Variants in SOX5 observed in about 807,000 individuals in gnomAD.
SOX5 encodes transcription factor SOX-5.
Under a neutral mutation model 92.0 loss-of-function variants are expected in SOX5, and 9 were observed. That is an observed-to-expected ratio of 0.10 (90% CI 0.06 to 0.17). SOX5 has a LOEUF of 0.17. Among genes scored for constraint, SOX5 ranks in the 10% least tolerant of loss-of-function variants. SOX5 has a pLI of 1.00. For missense variants in SOX5, 642 were observed against 944.5 expected, an observed-to-expected ratio of 0.68 and a Z score of 4.20; for synonymous variants, 344 against 336.3, an observed-to-expected ratio of 1.02 and a Z score of -0.25.
rs114735853 is a variant in SOX5, at chr12:24,169,615, A to G, written c.-2+43728T>C. On this transcript the variant is annotated intron_variant, in intron 4 of 4. Coordinates refer to the SOX5 transcript ENST00000446891. ...TTCATTCATCCAACATGTATTTTAC[A>G]TGTGTTGTCCAGCACTAGGCTAAAG... Among the ~76,000 whole-genome samples, 1,040 of 152,330 alleles carry G rather than the reference A, an allele frequency of 6.8e-3. 17 individuals carry two copies. The highest frequency in any genetic ancestry group is 0.024 in the African/African-American group (994 of 41,576).
intron 9 of SOX5, among the ~76,000 whole-genome samples, chr12:23,591,023 T>G (rs1951460415): frequency 6.6e-6 from 1 of 152,010 alleles, no homozygotes; most frequent in African/African-American, 2.4e-5. Context: ...TCAAACATAT[T>G]TTGAAAAAAT....
At position 24,477,130 on chromosome 12, in the gene SOX5, CTT is replaced by C. The variant is rs11324014; in HGVS notation, c.-251+85197_-251+85198del. Among the ~76,000 whole-genome samples the C allele has an allele frequency of 6.8e-4, 97 of 142,112 alleles. No homozygotes were observed. In the South Asian group the frequency reaches 7.2e-3, roughly 11 times the overall value. 93.2% of individuals were successfully genotyped at this position (142,112 alleles called of 152,430 possible). ...TATAAATTCTAAGACTGAGATTTAA[CTT>C]TTTTTTTTTTTTTCCTGTTTAGATG... On this transcript the variant is annotated intron_variant, in intron 1 of 4. Coordinates refer to the SOX5 transcript ENST00000446891.
chr12:24,005,090 T>C (rs925406109), intron 4 of SOX5, among the ~76,000 whole-genome samples: 2 of 152,002 alleles, frequency 1.3e-5, no homozygotes, highest in African/African-American at 4.8e-5. Context: ...CAGAGATTAA[T>C]TGCAAATGGG....
intron 2 of SOX5, among the ~76,000 whole-genome samples, chr12:24,320,003 T>G (rs1251008487): frequency 3.3e-5 from 5 of 152,238 alleles, no homozygotes; most frequent in Non-Finnish European, 7.3e-5. Context: ...TGACTGTGGA[T>G]GTTTGTTTAT....
intron 4 of SOX5, among the ~76,000 whole-genome samples, chr12:24,113,592 A>G (rs894124854): frequency 6.6e-6 from 1 of 152,200 alleles, no homozygotes; most frequent in African/African-American, 2.4e-5. Context: ...TTTCAGAGAC[A>G]CCATACTACA....
At chr12:23,882,831 C>T (rs2097011813) in intron 2 of SOX5, among the ~76,000 whole-genome samples, 1 of 152,100 alleles carries the variant, frequency 6.6e-6, no homozygotes, top group South Asian at 2.1e-4. Context: ...TTCATGAATT[C>T]ATCCATTAAA....
intron 4 of SOX5, among the ~76,000 whole-genome samples, chr12:24,171,138 A>ATTTTTT (rs71059984): frequency 5.9e-5 from 5 of 85,140 alleles, no homozygotes; most frequent in Admixed American, 1.3e-4. Context: ...CCCAAGATCT[A>ATTTTTT]TTTTTTTTTT....
chr12:24,308,043 C>T (rs1452510583), intron 2 of SOX5, among the ~76,000 whole-genome samples: 10 of 151,842 alleles, frequency 6.6e-5, no homozygotes, highest in Non-Finnish European at 2.9e-5. Context: ...AAAACAGAAG[C>T]TGGTGATAAG....
At position 23,530,688 on chromosome 12, in the gene SOX5, C is replaced by A. The variant is rs1035246781; in HGVS notation, c.*3531G>T. On this transcript the variant is annotated 3_prime_UTR_variant, in exon 15 of 15. Coordinates refer to ENST00000451604, the MANE Select transcript of SOX5 (RefSeq NM_006940.6). ...TATAAATGAGTAACTTTATTTTCTC[C>A]GGTAATGTTCTCTTAGATTCATATG... The A allele has an allele frequency of 1.3e-5, 2 of 151,902 alleles. No individual in the cohort carries two copies. The highest frequency in any genetic ancestry group is 2.9e-5 in the Non-Finnish European group (2 of 67,996). 9.4% of individuals were successfully genotyped at this position (151,902 alleles called of 1,614,324 possible). A position where few individuals can be genotyped will look rare whatever the true frequency, so the allele number is the denominator to read the frequency against.
At chr12:24,060,276 G>A (rs1939411801) in intron 4 of SOX5, among the ~76,000 whole-genome samples, 1 of 152,156 alleles carries the variant, frequency 6.6e-6, no homozygotes, top group Admixed American at 6.5e-5. Flanking sequence ...TAACAAAACT[G>A]AGGCTTGAAA....
intron 4 of SOX5, among the ~76,000 whole-genome samples, chr12:23,963,043 G>A (rs973363651): frequency 2.6e-5 from 4 of 152,092 alleles, no homozygotes; most frequent in Admixed American, 1.3e-4. Context: ...GGCATGGCAG[G>A]GGAAAAATAA....
chr12:24,107,403 T>C (rs1946812572), intron 4 of SOX5, among the ~76,000 whole-genome samples: 1 of 152,210 alleles, frequency 6.6e-6, no homozygotes, highest in African/African-American at 2.4e-5. Context: ...ATACACTAAA[T>C]GGGAAAGGGA....
chr12:23,670,640 G>T (rs2084621655), intron 6 of SOX5, among the ~76,000 whole-genome samples: 1 of 152,072 alleles, frequency 6.6e-6, no homozygotes, highest in African/African-American at 2.4e-5. Context: ...TGCTTTATGG[G>T]TAGGGAAAGG....
chr12:23,864,381 A>C (rs1401997141), intron 2 of SOX5, among the ~76,000 whole-genome samples: 2 of 152,170 alleles, frequency 1.3e-5, no homozygotes, highest in Non-Finnish European at 2.9e-5. Flanking sequence ...CACGTCTTTC[A>C]CTTTAACTCA....
At chr12:23,809,420 T>C (rs1392380514) in intron 3 of SOX5, among the ~76,000 whole-genome samples, 1 of 152,064 alleles carries the variant, frequency 6.6e-6, no homozygotes, top group Non-Finnish European at 1.5e-5. Flanking sequence ...TATAGAGCAT[T>C]ATTCAACTAA....
chr12:23,594,903 C>T (rs1045417735), intron 9 of SOX5, among the ~76,000 whole-genome samples: 3 of 152,152 alleles, frequency 2.0e-5, no homozygotes, highest in African/African-American at 7.2e-5. Flanking sequence ...CAGGTGTCCT[C>T]CTTTTCACGA....
Position 23,588,717 on chromosome 12 carries a change from T to C in SOX5, c.1165-12879A>G, listed in dbSNP as rs535204050. Among the ~76,000 whole-genome samples the C allele has an allele frequency of 3.1e-3, 199 of 63,718 alleles. 2 individuals carry two copies. The highest frequency in any genetic ancestry group is 0.029 in the Middle Eastern group (3 of 104). The allele number at this position is 63,718 out of a possible 152,430, so 41.8% of individuals were successfully genotyped here. On this transcript the variant is annotated intron_variant, in intron 9 of 14. Coordinates refer to ENST00000451604, the MANE Select transcript of SOX5 (RefSeq NM_006940.6). ...TATTCTTGATTATTGTAGTATGGGATAGTGCACACACACACACACACACAC... is the reference window on the plus strand; with the variant it reads ...TATTCTTGATTATTGTAGTATGGGACAGTGCACACACACACACACACACAC...
intron 2 of SOX5, among the ~76,000 whole-genome samples, chr12:24,348,506 C>T (rs1953639309): frequency 1.3e-5 from 2 of 152,044 alleles, no homozygotes; most frequent in Admixed American, 1.3e-4. Context: ...CCTCAGCCTC[C>T]CGAATAGCTG....
At chr12:23,981,036 G>GAGTCTGAAGCT (rs1277290533) in intron 4 of SOX5, among the ~76,000 whole-genome samples, 1 of 152,110 alleles carries the variant, frequency 6.6e-6, no homozygotes, top group Non-Finnish European at 1.5e-5. Context: ...CCCCAGTAAT[G>GAGTCTGAAGCT]AGTCTGAAGC....
Sources: allele counts gnomAD v4.1 joint callset (sites outside exome capture counted in the v4.1 genomes callset), GRCh38; gene constraint gnomAD v4.1.1; transcripts MANE v1.5; gene names NCBI Gene and HGNC (gene_info 2026-07-23, HGNC 2026-07-21).